Variants in CCDC30 observed in about 807,000 individuals in gnomAD.
CCDC30 encodes coiled-coil domain containing 30.
CCDC30 carries 70 observed loss-of-function variants against 100.2 expected under a neutral mutation model. The observed-to-expected ratio is 0.70, with a 90% CI of 0.58 to 0.85. The LOEUF is 0.85. CCDC30 is among the 40% of genes least tolerant of loss of function. The pLI is 0.00. For synonymous variants in CCDC30, 233 were observed against 269.5 expected, an observed-to-expected ratio of 0.86 and a Z score of 1.33; for missense variants, 652 against 771.2, an observed-to-expected ratio of 0.85 and a Z score of 1.83.
At chr1:42,515,838 T>C (rs1014595563) in intron 6 of CCDC30, among the ~76,000 whole-genome samples, 2 of 152,210 alleles carry the variant, frequency 1.3e-5, no homozygotes, top group African/African-American at 4.8e-5. Context: ...TTATTTAATT[T>C]AGAATGATGT....
At chr1:42,469,167 C>T (rs1643684196) in intron 1 of CCDC30, among the ~76,000 whole-genome samples, 1 of 152,032 alleles carries the variant, frequency 6.6e-6, no homozygotes, top group Non-Finnish European at 1.5e-5. Context: ...TCACTTGAGC[C>T]CCGGTGTTCA....
chr1:42,540,046 G>A (rs532836401), intron 6 of CCDC30, among the ~76,000 whole-genome samples: 1 of 152,180 alleles, frequency 6.6e-6, no homozygotes, highest in East Asian at 1.9e-4. Flanking sequence ...ATCTCCTCCT[G>A]GCTGAAAATT....
chr1:42,525,149 G>T (rs1467622965), intron 6 of CCDC30, among the ~76,000 whole-genome samples: 1 of 151,972 alleles, frequency 6.6e-6, no homozygotes, highest in East Asian at 1.9e-4. Context: ...TATCTTGCTT[G>T]GGAGTATTTG....
chr1:42,556,109 ACTATAATAAG>A (rs1340199779), intron 6 of CCDC30, 37 bp from the exon 10 acceptor site: 1 of 1,555,164 alleles, frequency 6.4e-7, no homozygotes, highest in Admixed American at 2.0e-5. Context: ...CGATTCTACT[ACTATAATAAG>A]CATTTTGATA....
rs114259891 is a variant in CCDC30, at chr1:42,471,202, C to T, written c.-92+7304C>T. 5.7e-3 allele frequency among the ~76,000 whole-genome samples: 868 copies of T among 152,152 alleles called. 2 individuals are homozygous for T. The highest frequency in any genetic ancestry group is 0.019 in the Admixed American group (285 of 15,282). On this transcript the variant is annotated intron_variant, in intron 1 of 16. Coordinates refer to ENST00000668663, the Ensembl canonical transcript of CCDC30. ...TTGAGTATTGACCTGAAGCCTGTAC[C>T]GTCCTACTGATCAGCAAGGATCAGA...
At chr1:42,580,672 C>A (rs1223913656) in intron 8 of CCDC30, among the ~76,000 whole-genome samples, 1 of 152,056 alleles carries the variant, frequency 6.6e-6, no homozygotes, top group Non-Finnish European at 1.5e-5. Context: ...TTAAATGACA[C>A]TTTAAATCTG....
chr1:42,583,069 TA>T (rs1645999021), intron 9 of CCDC30, among the ~76,000 whole-genome samples: 1 of 152,220 alleles, frequency 6.6e-6, no homozygotes, highest in Non-Finnish European at 1.5e-5. Context: ...ACAAAAAAAT[TA>T]TTTTTTTTCT....
At chr1:42,638,886 A>G (rs1647218572) in intron 12 of CCDC30, among the ~76,000 whole-genome samples, 1 of 152,094 alleles carries the variant, frequency 6.6e-6, no homozygotes, top group Admixed American at 6.6e-5. Context: ...AAATAAATAA[A>G]TAAATAAATA....
chr1:42,458,539 G>A (rs897800650), upstream of CCDC30, among the ~76,000 whole-genome samples: 5 of 152,198 alleles, frequency 3.3e-5, no homozygotes. Context: ...TGCTTCCTCT[G>A]CAGAGGAGAC....
rs115074073 is a variant in CCDC30 at position 42,473,545 on chromosome 1, G to T, written c.-91-6916G>T. 816 of 357,740 alleles carry T rather than the reference G, an allele frequency of 2.3e-3. 2 individuals are homozygous for T. Among genetic ancestry groups the T allele is most frequent in the African/African-American group, 0.015 (733 of 47,844 alleles). 22.2% of individuals were successfully genotyped at this position (357,740 alleles called of 1,614,324 possible). A position where few individuals can be genotyped will look rare whatever the true frequency, so the allele number is the denominator to read the frequency against. ...TGAACATCTAAACAGGACTGCTCCA[G>T]GTAGCTTTCATTATCTTGGTAAAGT... On this transcript the variant is annotated intron_variant, in intron 1 of 16. Coordinates refer to ENST00000668663, the Ensembl canonical transcript of CCDC30.
chr1:42,638,447 T>C (rs2148679572), intron 12 of CCDC30, among the ~76,000 whole-genome samples: 1 of 152,060 alleles, frequency 6.6e-6, no homozygotes, highest in South Asian at 2.1e-4. Flanking sequence ...TCCTCCTTTT[T>C]TTGCCATTAA....
intron 6 of CCDC30, among the ~76,000 whole-genome samples, chr1:42,538,749 C>T (rs923089768): frequency 3.3e-5 from 5 of 152,134 alleles, no homozygotes; most frequent in Admixed American, 6.6e-5. Context: ...TCAGCAATTC[C>T]CTTATAAAGT....
intron 6 of CCDC30, among the ~76,000 whole-genome samples, chr1:42,545,186 A>AAAT (rs760685126): frequency 1.1e-4 from 14 of 126,042 alleles, no homozygotes; most frequent in South Asian, 5.1e-4. Flanking sequence ...AAAAAAAAAA[A>AAAT]AAGGGAATTT....
chr1:42,523,851 C>T (rs1441952105), intron 6 of CCDC30, among the ~76,000 whole-genome samples: 1 of 152,096 alleles, frequency 6.6e-6, no homozygotes, highest in Non-Finnish European at 1.5e-5. Context: ...ATTTCTTCTG[C>T]CTGCTCAAAT....
At chr1:42,633,715 G>C (rs1374115855) in intron 11 of CCDC30, among the ~76,000 whole-genome samples, 1 of 152,142 alleles carries the variant, frequency 6.6e-6, no homozygotes, top group African/African-American at 2.4e-5. Context: ...TTCGAGACCA[G>C]CCTGGGCAAC....
intron 11 of CCDC30, among the ~76,000 whole-genome samples, chr1:42,623,959 G>A (rs183162744): frequency 0.012 from 1,891 of 152,102 alleles, 16 homozygotes; most frequent in Middle Eastern, 0.041. Flanking sequence ...TGTTGGTTAA[G>A]CTAATTCCTA....
intron 10 of CCDC30, among the ~76,000 whole-genome samples, chr1:42,600,807 T>TAC (rs1364150779): frequency 5.6e-5 from 7 of 124,628 alleles, no homozygotes; most frequent in Middle Eastern, 4.0e-3. Context: ...TTTCCCCCTG[T>TAC]GCTCTCTCTC....
At chr1:42,555,712 AGTCTCACTCT>A (rs1645354540) in intron 6 of CCDC30, among the ~76,000 whole-genome samples, 1 of 152,174 alleles carries the variant, frequency 6.6e-6, no homozygotes, top group Non-Finnish European at 1.5e-5. Flanking sequence ...TTTGAGACAC[AGTCTCACTCT>A]GTCACCCAGG....
intron 11 of CCDC30, among the ~76,000 whole-genome samples, chr1:42,636,003 T>C (rs1180046218): frequency 6.6e-6 from 1 of 152,222 alleles, no homozygotes; most frequent in Non-Finnish European, 1.5e-5. Flanking sequence ...AGTATCTCAT[T>C]GTGCTTTTGA....
Sources: gnomAD v4.1 joint callset for allele counts (sites outside exome capture counted in the v4.1 genomes callset) on GRCh38, gnomAD v4.1.1 for gene constraint, MANE v1.5 for transcripts, NCBI Gene and HGNC (gene_info 2026-07-23, HGNC 2026-07-21) for gene names.